The following TCP11L2 variants were observed in gnomAD, a reference collection of about 807,000 sequenced individuals.
The protein encoded by TCP11L2 is t-complex 11 like 2.
Under a neutral mutation model 50.7 loss-of-function variants are expected in TCP11L2, and 39 were observed. The observed-to-expected ratio is 0.77, with a 90% confidence interval of 0.60 to 1.01. TCP11L2 has a LOEUF of 1.01. Among genes scored for constraint, TCP11L2 ranks in the 50% least tolerant of loss-of-function variants. TCP11L2 has a pLI of 0.00. For synonymous variants in TCP11L2, 192 were observed against 219.3 expected, an observed-to-expected ratio of 0.88 and a Z score of 1.10; for missense variants, 612 against 614.7, an observed-to-expected ratio of 1.00 and a Z score of 0.05.
chr12:106,306,697 T>C (rs914385211), intron 1 of TCP11L2, among the ~76,000 whole-genome samples: 1 of 152,220 alleles, frequency 6.6e-6, no homozygotes, highest in Non-Finnish European at 1.5e-5. Context: ...ATAGTTGACA[T>C]CCGTCAGGCA....
chr12:106,321,646 C>A lies in TCP11L2; in HGVS notation c.575C>A (p.Pro192His). ...VISTMGKLCA[P>H]VRDNDIRELK... ...AGTACGATGGGAAAGCTGTGTGCTC[C>A]CGTGCGAGATAATGATATCAGAGAG... Residue 192 changes from proline to histidine, a missense_variant, in exon 5 of 10, where the codon CCC (proline) becomes CAC (histidine). By Grantham distance (77) the Pro-to-His change is moderately conservative. Coordinates refer to ENST00000299045, the MANE Select transcript of TCP11L2 (RefSeq NM_152772.3). The A allele has an allele frequency of 6.2e-7, 1 of 1,614,082 alleles. No homozygotes were observed. The highest frequency in any genetic ancestry group is 8.5e-7 in the Non-Finnish European group (1 of 1,180,030).
In TCP11L2 at chr12:106,321,702, C is replaced by G. The variant is rs1239290715; in HGVS notation, c.631C>G (p.Leu211Val). Reference sequence around the variant, plus strand: ...GGCTACTGGCAACATCGTGGAGGTGCTGAGGTTAGCACTTTTGCTGTTTGC... The same window carrying G: ...GGCTACTGGCAACATCGTGGAGGTGGTGAGGTTAGCACTTTTGCTGTTTGC... Reference protein sequence around the residue: ...LKATGNIVEVLRQIFHVLDLM... With the variant: ...LKATGNIVEVVRQIFHVLDLM... The change falls in exon 5 of 10, where the codon CTG becomes GTG. Residue 211 changes from leucine to valine, a missense_variant. Leu to Val is a conservative substitution (Grantham distance 32). Transcript: ENST00000299045. 6.2e-7 allele frequency: 1 copy of G among 1,613,798 alleles called. No individual in the cohort carries two copies. Among genetic ancestry groups the G allele is most frequent in the African/African-American group, 1.3e-5 (1 of 75,034 alleles).
At chr12:106,334,577 C>T (rs1446738430) in intron 6 of TCP11L2, among the ~76,000 whole-genome samples, 1 of 152,198 alleles carries the variant, frequency 6.6e-6, no homozygotes, top group Non-Finnish European at 1.5e-5. Context: ...ACTCTCCCTC[C>T]ACTAATTCAG....
intron 3 of TCP11L2, among the ~76,000 whole-genome samples, chr12:106,316,351 T>G (rs1360805428): frequency 6.6e-6 from 1 of 152,174 alleles, no homozygotes; most frequent in African/African-American, 2.4e-5. Context: ...AGACCAAAAA[T>G]CTAAGCATTT....
chr12:106,334,394 A>G (rs2035841052), intron 6 of TCP11L2, among the ~76,000 whole-genome samples: 2 of 152,182 alleles, frequency 1.3e-5, no homozygotes, highest in African/African-American at 4.8e-5. Flanking sequence ...TCAGATGTCC[A>G]AGGTGCAAAT....
intron 7 of TCP11L2, 95 bp downstream of exon 7, chr12:106,335,921 A>G (rs2035902260): frequency 1.7e-5 from 25 of 1,511,022 alleles, no homozygotes; most frequent in Non-Finnish European, 2.2e-5. Flanking sequence ...TGGTTTAATG[A>G]CTTTACAAAA....
At chr12:106,331,121 C>CT (rs1425447494) in intron 6 of TCP11L2, among the ~76,000 whole-genome samples, 4 of 152,122 alleles carry the variant, frequency 2.6e-5, no homozygotes, top group Non-Finnish European at 5.9e-5. Context: ...TGATTTCTTC[C>CT]TTCCTCACTG....
At chr12:106,329,976 TG>T in intron 6 of TCP11L2, 1 of 985,574 alleles carries the variant, frequency 1.0e-6, no homozygotes, top group South Asian at 4.7e-5. Flanking sequence ...GCTCAAGTGC[TG>T]GGTCCAAGAA....
At chr12:106,312,339 T>G in intron 2 of TCP11L2, 1 of 1,046,156 alleles carries the variant, frequency 9.6e-7, no homozygotes, top group Non-Finnish European at 1.3e-6. Context: ...GAAAGACTTT[T>G]GGATATCACT....
intron 8 of TCP11L2, 135 bp downstream of exon 8, chr12:106,336,348 TC>T: frequency 2.5e-6 from 2 of 788,570 alleles, no homozygotes; most frequent in Non-Finnish European, 3.8e-6. Flanking sequence ...TACACCTTTT[TC>T]TAGAATTTCC....
intron 6 of TCP11L2, chr12:106,329,401 C>G: frequency 1.3e-6 from 2 of 1,535,970 alleles, no homozygotes; most frequent in Non-Finnish European, 1.7e-6. Context: ...GTCACCGTGC[C>G]AGCCTGTGAG....
chr12:106,321,768 G>A (rs564075317), intron 5 of TCP11L2, 62 bp downstream of exon 5: 5 of 1,435,952 alleles, frequency 3.5e-6, no homozygotes, highest in African/African-American at 2.8e-5. Flanking sequence ...AAGGGAAGTT[G>A]GGCATCAGGG....
intron 6 of TCP11L2, chr12:106,329,988 G>T: frequency 1.0e-6 from 1 of 985,498 alleles, no homozygotes. Context: ...GGTCCAAGAA[G>T]AATTTCAGTC....
rs17038340 is a variant in TCP11L2, at chr12:106,304,475, A to T, written c.-36+1534A>T. 1.0e-3 allele frequency among the ~76,000 whole-genome samples: 153 copies of T among 152,330 alleles called. 1 individual carries two copies. The East Asian group carries it at 0.024, about 24-fold the overall frequency. On this transcript the variant is annotated intron_variant, in intron 1 of 9. Transcript: ENST00000299045. ...CTCTATGGTTTTTGCTTTGCTGTGG[A>T]TGAATAACTTTAGTGCTGCTATTTA...
chr12:106,323,511 C>G lies in TCP11L2; in HGVS notation c.637C>G (p.Gln213Glu), dbSNP rs2035417233. 2 of 1,579,776 alleles carry G rather than the reference C, an allele frequency of 1.3e-6. No individual in the cohort carries two copies. Among genetic ancestry groups the G allele is most frequent in the Non-Finnish European group, 1.7e-6 (2 of 1,161,328 alleles). Residue 213 changes from glutamine to glutamate, a missense_variant and splice_region_variant, in exon 6 of 10, where the codon CAA (glutamine) becomes GAA (glutamate). Transcript: ENST00000299045. Reference protein sequence around the residue: ...ATGNIVEVLRQIFHVLDLMQM... With the variant: ...ATGNIVEVLREIFHVLDLMQM... ...CTATTTTAATTCTAAAATTTTTAGA[C>G]AAATATTCCATGTCCTGGACCTCAT...
At chr12:106,318,252 C>T (rs1405013757) in intron 3 of TCP11L2, 92 bp from the exon 4 acceptor site, 10 of 1,419,136 alleles carry the variant, frequency 7.0e-6, no homozygotes, top group Admixed American at 2.2e-5. Flanking sequence ...GTTTTTTTTA[C>T]ATTTTATAAG....
intron 8 of TCP11L2, among the ~76,000 whole-genome samples, chr12:106,336,628 C>T (rs537967635): frequency 8.8e-5 from 13 of 147,564 alleles, no homozygotes; most frequent in African/African-American, 3.2e-4. Context: ...TCTCAGCTCA[C>T]TGCAACCTCC....
In TCP11L2 at chr12:106,321,536, C is replaced by T; in HGVS notation, c.465C>T (p.Ile155=). ...GTGGCAACCGGCTTCGCAACCAAAT[C>T]TGTGAAGTTTTGGACACAGACCTCA... ...TPGGNRLRNQ[I]CEVLDTDLIR... The change falls in exon 5 of 10, where the codon ATC becomes ATT. Residue 155 remains isoleucine (I), a synonymous_variant. Coordinates refer to ENST00000299045, the MANE Select transcript of TCP11L2 (RefSeq NM_152772.3). 6.2e-7 allele frequency: 1 copy of T among 1,614,224 alleles called. No homozygotes were observed. The highest frequency in any genetic ancestry group is 8.5e-7 in the Non-Finnish European group (1 of 1,180,046).
chr12:106,331,779 C>A (rs2035755287), intron 6 of TCP11L2, among the ~76,000 whole-genome samples: 1 of 152,210 alleles, frequency 6.6e-6, no homozygotes, highest in Non-Finnish European at 1.5e-5. Flanking sequence ...ACTGCACCAG[C>A]CACTTGCTCT....
Sources: gnomAD v4.1 joint callset for allele counts (sites outside exome capture counted in the v4.1 genomes callset) on GRCh38, gnomAD v4.1.1 for gene constraint, MANE v1.5 for transcripts, NCBI Gene and HGNC (gene_info 2026-07-23, HGNC 2026-07-21) for gene names.